Variants in PLCG2 observed in about 807,000 individuals in gnomAD.
PLCG2 encodes 1-phosphatidylinositol 4,5-bisphosphate phosphodiesterase gamma-2.
In PLCG2, 69 loss-of-function variants were observed where a neutral mutation model predicts 175.6. The observed-to-expected ratio is 0.39, with a 90% CI of 0.32 to 0.48. The LOEUF (loss-of-function observed/expected upper bound fraction) is 0.48, where lower values mean the gene tolerates loss of function less well. Among genes scored for constraint, PLCG2 ranks in the 20% least tolerant of loss-of-function variants. The pLI, the probability that PLCG2 is intolerant of heterozygous loss-of-function variation, is 0.91. For missense variants in PLCG2, 1,798 were observed against 1,650.9 expected (o/e 1.09, Z -1.54); for synonymous variants, 827 against 624.0 (o/e 1.33, Z -4.85).
In PLCG2 at chr16:81,961,586, AAAAT is replaced by A. The variant is rs1911778214; in HGVS notation, c.*3590_*3593del. On this transcript the variant is annotated 3_prime_UTR_variant, in exon 33 of 33. Coordinates refer to ENST00000564138, the MANE Select transcript of PLCG2 (RefSeq NM_002661.5). Reference sequence around the variant, plus strand: ...AAAATTTTGAGGGAGAAGTGGTATGAAAATACAAATTCAAGGAGTAAAAGGAAAA... The same window carrying A: ...AAAATTTTGAGGGAGAAGTGGTATGAACAAATTCAAGGAGTAAAAGGAAAA... 4.6e-6 allele frequency: 1 copy of A among 216,068 alleles called. No homozygotes were observed. Among genetic ancestry groups the A allele is most frequent in the Non-Finnish European group, 9.3e-6 (1 of 107,496 alleles). 13.4% of individuals were successfully genotyped at this position (216,068 alleles called of 1,614,324 possible).
intron 2 of PLCG2, among the ~76,000 whole-genome samples, chr16:81,801,972 C>T (rs1325471719): frequency 1.3e-5 from 2 of 151,988 alleles, no homozygotes; most frequent in East Asian, 1.9e-4. Flanking sequence ...TCAGCCATCA[C>T]ACCTGGCCAA....
intron 5 of PLCG2, among the ~76,000 whole-genome samples, chr16:81,868,849 C>T (rs901408936): frequency 4.6e-5 from 7 of 152,360 alleles, no homozygotes; most frequent in African/African-American, 1.7e-4. Flanking sequence ...GGACATCACC[C>T]TATACTGGGG....
chr16:81,799,880 A>G (rs985383921), intron 2 of PLCG2, among the ~76,000 whole-genome samples: 2 of 152,214 alleles, frequency 1.3e-5, no homozygotes, highest in Non-Finnish European at 2.9e-5. Context: ...GGTGTGAACC[A>G]CTGAGCCCAG....
chr16:81,927,015 G>A (rs919344139), intron 22 of PLCG2, 67 bp from the exon 23 acceptor site: 51 of 997,034 alleles, frequency 5.1e-5, no homozygotes, highest in Non-Finnish European at 7.4e-5. Context: ...GCCGGGTGCA[G>A]ATGAGCAGTA....
At chr16:81,895,659 G>A (rs772974309) in intron 12 of PLCG2, 148 bp from the exon 13 acceptor site, 1 of 792,314 alleles carries the variant, frequency 1.3e-6, no homozygotes, top group South Asian at 1.7e-5. Flanking sequence ...TGCGGATACA[G>A]GGAAAGCCAT....
At chr16:81,815,159 G>A (rs1310745373) in intron 2 of PLCG2, among the ~76,000 whole-genome samples, 2 of 152,146 alleles carry the variant, frequency 1.3e-5, no homozygotes, top group African/African-American at 2.4e-5. Flanking sequence ...GTGATATGAC[G>A]CTCTGGAACG....
At chr16:81,894,606 C>G (rs1188789286) in intron 12 of PLCG2, among the ~76,000 whole-genome samples, 1 of 152,244 alleles carries the variant, frequency 6.6e-6, no homozygotes, top group African/African-American at 2.4e-5. Flanking sequence ...GTCGTGGTGT[C>G]TCATGCCTGT....
intron 9 of PLCG2, among the ~76,000 whole-genome samples, chr16:81,884,629 G>A (rs62043995): frequency 0.049 from 7,500 of 151,892 alleles, 265 homozygotes; most frequent in Non-Finnish European, 0.076. Flanking sequence ...GTACATGTAT[G>A]CATGTCTTTT....
At chr16:81,954,090 G>A (rs982285711) in intron 31 of PLCG2, among the ~76,000 whole-genome samples, 3 of 151,964 alleles carry the variant, frequency 2.0e-5, no homozygotes, top group African/African-American at 4.8e-5. Flanking sequence ...TGGCATGATC[G>A]TGGCTCACTG....
At chr16:81,885,647 T>C (rs1404551945) in intron 9 of PLCG2, among the ~76,000 whole-genome samples, 1 of 152,108 alleles carries the variant, frequency 6.6e-6, no homozygotes, top group Non-Finnish European at 1.5e-5. Flanking sequence ...AATATAGCCA[T>C]AACACTCCTC....
intron 31 of PLCG2, among the ~76,000 whole-genome samples, chr16:81,955,053 T>G (rs1371587800): frequency 6.6e-6 from 1 of 152,204 alleles, no homozygotes; most frequent in African/African-American, 2.4e-5. Context: ...GGAAAGTCAT[T>G]ACTAAGTGAA....
rs1163268134 is a variant in PLCG2 at position 81,923,480 on chromosome 16, G to A, written c.2308-5G>A. 2 of 1,598,148 alleles carry A rather than the reference G, an allele frequency of 1.3e-6. No homozygotes were observed. The highest frequency in any genetic ancestry group is 1.7e-6 in the Non-Finnish European group (2 of 1,165,992). The stretch of plus-strand genomic sequence containing the variant: ...TGACCTTTTCCTTCTTGTTTTCCCT[G>A]AAAGCCTCAGAGAACCGTGAAAGCT... On this transcript the variant is annotated splice_polypyrimidine_tract_variant and splice_region_variant and intron_variant, in intron 21 of 32. Transcript: ENST00000564138.
chr16:81,835,675 T>G (rs746864454), intron 2 of PLCG2, among the ~76,000 whole-genome samples: 5 of 152,166 alleles, frequency 3.3e-5, no homozygotes, highest in African/African-American at 7.2e-5. Context: ...GTGGTTGCCA[T>G]AACACAAGTG....
intron 17 of PLCG2, among the ~76,000 whole-genome samples, chr16:81,909,325 C>T (rs1438917802): frequency 6.6e-6 from 1 of 152,158 alleles, no homozygotes; most frequent in Non-Finnish European, 1.5e-5. Context: ...TTGTGAAAGT[C>T]TGTGAGGAAG....
intron 14 of PLCG2, among the ~76,000 whole-genome samples, chr16:81,902,237 G>A (rs4889436): frequency 0.87 from 132,590 of 152,208 alleles, 58,166 homozygotes; most frequent in East Asian, 0.97. Flanking sequence ...GACATTCCAC[G>A]AGCTCATGGG....
intron 11 of PLCG2, among the ~76,000 whole-genome samples, chr16:81,892,092 A>G (rs569364673): frequency 1.3e-5 from 2 of 152,290 alleles, no homozygotes; most frequent in Admixed American, 6.5e-5. Context: ...AGCAGGTGGT[A>G]AGGCAAGGAG....
chr16:81,777,005 A>G (rs1910424453), upstream of PLCG2, among the ~76,000 whole-genome samples: 1 of 152,154 alleles, frequency 6.6e-6, no homozygotes, highest in African/African-American at 2.4e-5. Flanking sequence ...GCCAAAGAAG[A>G]AAATGAATTA....
upstream of PLCG2, among the ~76,000 whole-genome samples, chr16:81,776,375 C>T (rs899829142): frequency 5.3e-5 from 8 of 151,926 alleles, no homozygotes; most frequent in Admixed American, 4.6e-4. Flanking sequence ...TCCCAGGGTG[C>T]TGGGATTACA....
At chr16:81,748,265 G>A (rs1479833753) in intron 1 of PLCG2, among the ~76,000 whole-genome samples, 5 of 152,216 alleles carry the variant, frequency 3.3e-5, no homozygotes, top group South Asian at 2.1e-4. Flanking sequence ...TGGCACATGC[G>A]TATAATCCCA....
Sources: allele counts gnomAD v4.1 joint callset (sites outside exome capture counted in the v4.1 genomes callset), GRCh38; gene constraint gnomAD v4.1.1; transcripts MANE v1.5; gene names NCBI Gene and HGNC (gene_info 2026-07-23, HGNC 2026-07-21).